The following SHLD1 variants were observed in gnomAD, a reference collection of about 807,000 sequenced individuals.
The protein encoded by SHLD1 is shieldin complex subunit 1.
Under a neutral mutation model 5.5 loss-of-function variants are expected in SHLD1, and 3 were observed. The ratio of observed to expected loss-of-function variants is 0.54; its 90% confidence interval spans 0.25 to 1.40. The LOEUF (loss-of-function observed/expected upper bound fraction) is 1.40, where lower values mean the gene tolerates loss of function less well. Ranked by LOEUF, SHLD1 falls within the 40% of genes most tolerant of loss-of-function variation. SHLD1 has a pLI of 0.15. For missense variants in SHLD1, 210 were observed against 244.4 expected (o/e 0.86, Z 0.94); for synonymous variants, 92 against 94.3 (o/e 0.98, Z 0.14).
At chr20:5,827,770 T>G (rs2087683303) in intron 2 of SHLD1, among the ~76,000 whole-genome samples, 1 of 152,254 alleles carries the variant, frequency 6.6e-6, no homozygotes, top group East Asian at 1.9e-4. Context: ...TTGCCTCCAG[T>G]TAGCTTCCCT....
chr20:5,777,844 T>C (rs1364760412), intron 2 of SHLD1, among the ~76,000 whole-genome samples: 1 of 152,146 alleles, frequency 6.6e-6, no homozygotes, highest in Non-Finnish European at 1.5e-5. Flanking sequence ...AGGCAAGTTT[T>C]GTTAACTTGA....
chr20:5,766,729 G>A (rs146051550), intron 1 of SHLD1, among the ~76,000 whole-genome samples: 13 of 152,154 alleles, frequency 8.5e-5, no homozygotes, highest in African/African-American at 3.1e-4. Flanking sequence ...TGATTACACT[G>A]CTCATGTTAT....
rs925431718 is a variant in SHLD1 at position 5,750,477 on chromosome 20, G to A, written c.-7G>A. On this transcript the variant is annotated splice_region_variant and 5_prime_UTR_variant, in exon 1 of 3. Transcript: ENST00000303142. The stretch of plus-strand genomic sequence containing the variant: ...CAGTTTTCTGGAGTGCTTTGGAGGA[G>A]AGGTAAGCGCGGGATGGGATGGGGG... The A allele has an allele frequency of 7.1e-6, 1 of 139,938 alleles. No individual in the cohort carries two copies. The highest frequency in any genetic ancestry group is 1.5e-5 in the Non-Finnish European group (1 of 64,928). 8.7% of individuals were successfully genotyped at this position (139,938 alleles called of 1,614,324 possible). A position where few individuals can be genotyped will look rare whatever the true frequency, so the allele number is the denominator to read the frequency against.
intron 2 of SHLD1, among the ~76,000 whole-genome samples, chr20:5,814,806 G>T (rs1411080580): frequency 6.6e-6 from 1 of 151,702 alleles, no homozygotes; most frequent in Non-Finnish European, 1.5e-5. Context: ...GGTACCACAG[G>T]CGCATGCCAC....
intron 1 of SHLD1, among the ~76,000 whole-genome samples, chr20:5,755,934 A>G (rs1984067070): frequency 6.6e-6 from 1 of 152,162 alleles, no homozygotes. Context: ...TATGACAAAG[A>G]AAATATGTTT....
intron 2 of SHLD1, among the ~76,000 whole-genome samples, chr20:5,790,180 C>G (rs1289928863): frequency 1.3e-5 from 2 of 152,262 alleles, no homozygotes; most frequent in South Asian, 2.1e-4. Flanking sequence ...CAGAGGGGAT[C>G]CCACTACCTC....
At position 5,856,677 on chromosome 20, in the gene SHLD1, T is replaced by C. The variant is rs111649111; in HGVS notation, c.179-6347T>C. ...TCAAGAGTTGCTGATAAGTGATCAT[T>C]GATGACCGGAACATCCCCCACTACT... On this transcript the variant is annotated intron_variant, in intron 2 of 2. Coordinates refer to ENST00000303142, the MANE Select transcript of SHLD1 (RefSeq NM_152504.4). Among the ~76,000 whole-genome samples, 397 of 152,330 alleles carry C rather than the reference T, an allele frequency of 2.6e-3. 1 individual carries two copies. Among genetic ancestry groups the C allele is most frequent in the African/African-American group, 8.9e-3 (370 of 41,582 alleles).
At position 5,754,046 on chromosome 20, in the gene SHLD1, T is replaced by C. The variant is rs377241894; in HGVS notation, c.-5+3567T>C. On this transcript the variant is annotated intron_variant, in intron 1 of 2. Transcript: ENST00000303142. ...TTCAGAAGTGCTGGGATTACAGGCA[T>C]GAGCCACCACACCTAGCCATAATTT... is the stretch of plus-strand genomic sequence containing the variant. 2.0e-4 allele frequency among the ~76,000 whole-genome samples: 30 copies of C among 152,344 alleles called. No individual in the cohort carries two copies. The East Asian group carries it at 3.7e-3, about 19-fold the overall frequency.
At chr20:5,828,138 C>T (rs2087687861) in intron 2 of SHLD1, among the ~76,000 whole-genome samples, 1 of 152,164 alleles carries the variant, frequency 6.6e-6, no homozygotes, top group Non-Finnish European at 1.5e-5. Flanking sequence ...CTTGCCTCCC[C>T]CCAACATACA....
At chr20:5,838,996 T>C (rs1031509974) in intron 2 of SHLD1, among the ~76,000 whole-genome samples, 2 of 152,178 alleles carry the variant, frequency 1.3e-5, no homozygotes, top group African/African-American at 4.8e-5. Flanking sequence ...GCTGAAGATA[T>C]CTATCATTTC....
chr20:5,817,920 C>G lies in SHLD1; in HGVS notation c.178+44877C>G, dbSNP rs567492498. The stretch of plus-strand genomic sequence containing the variant: ...GGATTCCCCTTCCCTGCGCTGTGGT[C>G]TAGGAAGTGCCTCCAGCAGAACACT... On this transcript the variant is annotated intron_variant, in intron 2 of 2. Transcript: ENST00000303142. 3.3e-5 allele frequency among the ~76,000 whole-genome samples: 5 copies of G among 152,252 alleles called. No individual in the cohort carries two copies. In the South Asian group the frequency reaches 1.0e-3, roughly 32 times the overall value.
At chr20:5,799,280 GCTCT>G (rs908757699) in intron 2 of SHLD1, among the ~76,000 whole-genome samples, 4 of 146,920 alleles carry the variant, frequency 2.7e-5, no homozygotes, top group Admixed American at 2.1e-4. Flanking sequence ...TCTCTCTCTC[GCTCT>G]CTCTCTTTCT....
chr20:5,821,857 G>A (rs2087609990), intron 2 of SHLD1, among the ~76,000 whole-genome samples: 1 of 152,198 alleles, frequency 6.6e-6, no homozygotes, highest in Admixed American at 6.5e-5. Flanking sequence ...CTTCCCCACA[G>A]TGAGTCGTGA....
chr20:5,750,916 G>T (rs1303285442), intron 1 of SHLD1, among the ~76,000 whole-genome samples: 1 of 152,116 alleles, frequency 6.6e-6, no homozygotes, highest in Non-Finnish European at 1.5e-5. Flanking sequence ...AGAATCGCTT[G>T]TGCCCCGGAG....
At chr20:5,777,499 A>G (rs1166188327) in intron 2 of SHLD1, among the ~76,000 whole-genome samples, 3 of 151,572 alleles carry the variant, frequency 2.0e-5, no homozygotes, top group South Asian at 2.1e-4. Context: ...GAAGTGCAGT[A>G]TTGTGGTTCC....
chr20:5,797,008 A>G (rs2087223472), intron 2 of SHLD1, among the ~76,000 whole-genome samples: 1 of 152,168 alleles, frequency 6.6e-6, no homozygotes, highest in East Asian at 1.9e-4. Context: ...GTATTATTGC[A>G]TATCTCTCAG....
At chr20:5,763,477 A>G (rs969728182) in intron 1 of SHLD1, among the ~76,000 whole-genome samples, 4 of 152,124 alleles carry the variant, frequency 2.6e-5, no homozygotes, top group South Asian at 2.1e-4. Flanking sequence ...AAGGTTAAAT[A>G]TCTCCACAGG....
Position 5,864,271 on chromosome 20 carries a change from A to T in SHLD1, c.*808A>T, listed in dbSNP as rs1267130342. On this transcript the variant is annotated 3_prime_UTR_variant, in exon 3 of 3. Transcript: ENST00000303142. ...TCTTTTATCAGATTGCAAACGTGAAAGGTGAGAAGGTAACAAATGTGCACC... is the reference window on the plus strand; with the variant it reads ...TCTTTTATCAGATTGCAAACGTGAATGGTGAGAAGGTAACAAATGTGCACC... Among the ~76,000 whole-genome samples the T allele has an allele frequency of 6.6e-6, 1 of 152,236 alleles. No homozygotes were observed. The highest frequency in any genetic ancestry group is 1.5e-5 in the Non-Finnish European group (1 of 68,036).
At chr20:5,837,306 C>G (rs146484045) in intron 2 of SHLD1, among the ~76,000 whole-genome samples, 3 of 152,056 alleles carry the variant, frequency 2.0e-5, no homozygotes, top group African/African-American at 7.2e-5. Context: ...TTTTTTCTTC[C>G]GCTTTTATTG....
Sources: gnomAD v4.1 joint callset for allele counts (sites outside exome capture counted in the v4.1 genomes callset) on GRCh38, gnomAD v4.1.1 for gene constraint, MANE v1.5 for transcripts, NCBI Gene and HGNC (gene_info 2026-07-23, HGNC 2026-07-21) for gene names.